The following RNGTT variants were observed in gnomAD, a reference collection of about 807,000 sequenced individuals.
RNGTT encodes RNA guanylyltransferase and 5'-phosphatase, also known as mRNA-capping enzyme.
RNGTT carries 33 observed loss-of-function variants against 79.3 expected under a neutral mutation model. The ratio of observed to expected loss-of-function variants is 0.42; its 90% CI spans 0.32 to 0.56. The LOEUF (loss-of-function observed/expected upper bound fraction) is 0.56. RNGTT is among the 20% of genes least tolerant of loss of function. RNGTT has a pLI of 0.17. For synonymous variants in RNGTT, 222 were observed against 235.9 expected, an observed-to-expected ratio of 0.94 and a Z score of 0.54; for missense variants, 497 against 739.1, an observed-to-expected ratio of 0.67 and a Z score of 3.80.
chr6:88,893,924 A>G (rs1783138260), intron 6 of RNGTT, among the ~76,000 whole-genome samples: 1 of 152,194 alleles, frequency 6.6e-6, no homozygotes, highest in African/African-American at 2.4e-5. Flanking sequence ...CCATTTTTAT[A>G]TTATTCAAAA....
intron 8 of RNGTT, among the ~76,000 whole-genome samples, chr6:88,866,888 T>C (rs929256616): frequency 2.0e-5 from 3 of 152,210 alleles, no homozygotes; most frequent in African/African-American, 7.2e-5. Flanking sequence ...AGTCCACCCT[T>C]ACTAACTAGG....
chr6:88,900,274 G>T (rs1403387969), intron 6 of RNGTT, among the ~76,000 whole-genome samples: 1 of 152,022 alleles, frequency 6.6e-6, no homozygotes, highest in Non-Finnish European at 1.5e-5. Context: ...TTCAAAAACT[G>T]AAATGACAAG....
chr6:88,672,202 C>CATAT (rs58845645), intron 14 of RNGTT, among the ~76,000 whole-genome samples: 21 of 135,408 alleles, frequency 1.6e-4, no homozygotes, highest in Non-Finnish European at 2.9e-4. Context: ...AATGTATATA[C>CATAT]ATATATATAT....
At chr6:88,799,119 T>C (rs1228791571) in intron 12 of RNGTT, among the ~76,000 whole-genome samples, 1 of 147,716 alleles carries the variant, frequency 6.8e-6, no homozygotes, top group Admixed American at 6.7e-5. Flanking sequence ...ATAACAATAA[T>C]AAAAAACTTA....
intron 13 of RNGTT, among the ~76,000 whole-genome samples, chr6:88,761,014 GAAATAC>G (rs1778205301): frequency 1.3e-5 from 1 of 79,398 alleles, no homozygotes; most frequent in Non-Finnish European, 2.5e-5. Context: ...TGAAGCAAAA[GAAATAC>G]ACACACACAC....
chr6:88,901,493 A>ATTTTTTTT (rs1562310733), intron 6 of RNGTT, among the ~76,000 whole-genome samples: 2 of 97,560 alleles, frequency 2.1e-5, no homozygotes, highest in African/African-American at 9.0e-5. Context: ...AAGCACCCTG[A>ATTTTTTTT]TCTTTTTTTT....
chr6:88,894,253 A>G (rs1783151375), intron 6 of RNGTT, among the ~76,000 whole-genome samples: 1 of 152,184 alleles, frequency 6.6e-6, no homozygotes, highest in African/African-American at 2.4e-5. Flanking sequence ...TCCCTGGGAA[A>G]TATGGGAAGC....
At chr6:88,667,485 T>G (rs1209485459) in intron 14 of RNGTT, among the ~76,000 whole-genome samples, 1 of 152,222 alleles carries the variant, frequency 6.6e-6, no homozygotes, top group East Asian at 1.9e-4. Context: ...TACAAGCTTA[T>G]GGAGCAGCCC....
chr6:88,930,163 T>C (rs553577846), intron 2 of RNGTT, among the ~76,000 whole-genome samples: 288 of 148,116 alleles, frequency 1.9e-3, no homozygotes, highest in African/African-American at 6.9e-3. Flanking sequence ...CATACATATA[T>C]ACATATACAT....
intron 1 of RNGTT, among the ~76,000 whole-genome samples, chr6:88,955,917 T>A (rs1785415227): frequency 6.6e-6 from 1 of 151,708 alleles, no homozygotes; most frequent in Admixed American, 6.6e-5. Flanking sequence ...GCGGGCCACC[T>A]GTAGTCCCAG....
intron 8 of RNGTT, among the ~76,000 whole-genome samples, chr6:88,873,330 T>C (rs569660432): frequency 6.6e-6 from 1 of 152,160 alleles, no homozygotes; most frequent in Non-Finnish European, 1.5e-5. Flanking sequence ...AATATGCTTT[T>C]AACTAGTATT....
chr6:88,955,142 A>G (rs1340326540), intron 1 of RNGTT, among the ~76,000 whole-genome samples: 2 of 152,214 alleles, frequency 1.3e-5, no homozygotes, highest in African/African-American at 4.8e-5. Flanking sequence ...TGGGTCAACA[A>G]TGAAATAAAG....
intron 4 of RNGTT, among the ~76,000 whole-genome samples, chr6:88,927,776 G>A (rs563279874): frequency 6.6e-6 from 1 of 151,512 alleles, no homozygotes; most frequent in South Asian, 2.1e-4. Flanking sequence ...AGAGGTTGCA[G>A]TGAGCCGAGA....
At chr6:88,902,579 C>T (rs753195973) in intron 6 of RNGTT, among the ~76,000 whole-genome samples, 19 of 151,744 alleles carry the variant, frequency 1.3e-4, no homozygotes, top group Non-Finnish European at 1.9e-4. Flanking sequence ...TCCAGCTTGA[C>T]TGACAGAGTA....
At chr6:88,712,368 T>A (rs1224824154) in intron 13 of RNGTT, among the ~76,000 whole-genome samples, 1 of 152,214 alleles carries the variant, frequency 6.6e-6, no homozygotes, top group Non-Finnish European at 1.5e-5. Context: ...TGCAGTGGTG[T>A]GATCATAGCT....
chr6:88,817,490 TAAA>T (rs11354100), intron 11 of RNGTT, among the ~76,000 whole-genome samples: 8 of 44,564 alleles, frequency 1.8e-4, no homozygotes, highest in Non-Finnish European at 2.4e-4. Context: ...AAAAAATAAG[TAAA>T]AAAAAAAAAA....
At chr6:88,957,170 A>G (rs1032109810) in intron 1 of RNGTT, among the ~76,000 whole-genome samples, 4 of 152,234 alleles carry the variant, frequency 2.6e-5, no homozygotes, top group African/African-American at 7.2e-5. Context: ...TAAAACCTTC[A>G]GCAAAACTGG....
chr6:88,934,822 C>T (rs1192159764), intron 2 of RNGTT, among the ~76,000 whole-genome samples: 1 of 151,958 alleles, frequency 6.6e-6, no homozygotes, highest in Non-Finnish European at 1.5e-5. Flanking sequence ...CTCTGTTGCA[C>T]AGGCTGTTCT....
intron 13 of RNGTT, among the ~76,000 whole-genome samples, chr6:88,723,559 C>G (rs1004592716): frequency 3.3e-5 from 5 of 152,058 alleles, no homozygotes; most frequent in Non-Finnish European, 7.4e-5. Context: ...ACCTGTGTCA[C>G]CAGCCCCAGA....
Sources: gnomAD v4.1 joint callset for allele counts (sites outside exome capture counted in the v4.1 genomes callset) on GRCh38, gnomAD v4.1.1 for gene constraint, MANE v1.5 for transcripts, NCBI Gene and HGNC (gene_info 2026-07-23, HGNC 2026-07-21) for gene names.